The following CFAP20DC variants were observed in gnomAD, a reference collection of about 807,000 sequenced individuals.
The protein encoded by CFAP20DC is protein CFAP20DC.
In CFAP20DC, 84 loss-of-function variants were observed where a neutral mutation model predicts 101.7. The observed-to-expected ratio is 0.83, with a 90% CI of 0.69 to 0.99. The LOEUF is 0.99. Among genes scored for constraint, CFAP20DC ranks in the 50% least tolerant of loss-of-function variants. The pLI, the probability that CFAP20DC is intolerant of heterozygous loss-of-function variation, is 0.00. For missense variants in CFAP20DC, 1,007 were observed against 970.3 expected, an observed-to-expected ratio of 1.04 and a Z score of -0.50; for synonymous variants, 359 against 351.2, an observed-to-expected ratio of 1.02 and a Z score of -0.25.
intron 3 of CFAP20DC, among the ~76,000 whole-genome samples, chr3:58,720,181 G>A (rs2067451852): frequency 6.6e-6 from 1 of 152,242 alleles, no homozygotes; most frequent in South Asian, 2.1e-4. Context: ...CCACTAGAAT[G>A]TAAGTACTGT....
At chr3:58,720,662 T>C (rs1482324369) in intron 3 of CFAP20DC, among the ~76,000 whole-genome samples, 2 of 152,228 alleles carry the variant, frequency 1.3e-5, no homozygotes, top group Non-Finnish European at 2.9e-5. Context: ...TTCCCATGGC[T>C]AGGCATTACA....
Position 58,795,072 on chromosome 3 carries a change from TC to T in CFAP20DC, c.2237+11322del, listed in dbSNP as rs11346331. ...CTCCTAAACCTCAACTTGCATTCCCTCCCCACCTCCAGACAGAATGGAGGTG... is the reference window on the plus strand; with the variant it reads ...CTCCTAAACCTCAACTTGCATTCCCTCCCACCTCCAGACAGAATGGAGGTG... On this transcript the variant is annotated intron_variant, in intron 15 of 16. Coordinates refer to ENST00000482387, the MANE Select transcript of CFAP20DC (RefSeq NM_001394063.1). The surrounding 1 kb of genome is among the most constrained non-coding windows in gnomAD (Gnocchi z 4.2). Among the ~76,000 whole-genome samples, 1,508 of 152,236 alleles carry T rather than the reference TC, an allele frequency of 9.9e-3. 23 individuals are homozygous for T. The highest frequency in any genetic ancestry group is 0.035 in the African/African-American group (1,458 of 41,544).
intron 7 of CFAP20DC, among the ~76,000 whole-genome samples, chr3:58,883,506 T>C (rs1185459666): frequency 6.6e-6 from 1 of 152,204 alleles, no homozygotes; most frequent in Non-Finnish European, 1.5e-5. Context: ...CCCATTTTGC[T>C]GTCTCTTTGT....
At chr3:58,759,219 G>T (rs376187394) in intron 15 of CFAP20DC, among the ~76,000 whole-genome samples, 4,237 of 151,518 alleles carry the variant, frequency 0.028, 199 homozygotes, top group African/African-American at 0.095. Context: ...GACTTTTTAA[G>T]GATTGCCATT....
At chr3:58,782,476 A>G (rs2071922441) in intron 15 of CFAP20DC, among the ~76,000 whole-genome samples, 1 of 152,108 alleles carries the variant, frequency 6.6e-6, no homozygotes, top group Admixed American at 6.6e-5. Flanking sequence ...TAAATTGGAA[A>G]AGTATAAGTC....
chr3:58,737,391 G>C (rs1427371784), downstream of CFAP20DC, among the ~76,000 whole-genome samples: 2 of 151,942 alleles, frequency 1.3e-5, no homozygotes, highest in Non-Finnish European at 2.9e-5. This position sits in a 1 kb window ranked among gnomAD's most constrained non-coding sequence, Gnocchi z 4.1. Context: ...CTGAGGATGG[G>C]GGACACATTT....
intron 4 of CFAP20DC, among the ~76,000 whole-genome samples, chr3:58,983,745 C>T (rs1451264438): frequency 6.6e-6 from 1 of 152,024 alleles, no homozygotes; most frequent in Admixed American, 6.6e-5. Flanking sequence ...ATTCAAAATG[C>T]TTTATGGATG....
At chr3:58,822,575 C>G (rs1375715497) in intron 14 of CFAP20DC, among the ~76,000 whole-genome samples, 2 of 150,980 alleles carry the variant, frequency 1.3e-5, no homozygotes, top group Non-Finnish European at 2.9e-5. Context: ...TACCCTAAAA[C>G]TTAAAGTATA....
chr3:58,808,970 G>C (rs2074364729), intron 14 of CFAP20DC, among the ~76,000 whole-genome samples: 1 of 151,944 alleles, frequency 6.6e-6, no homozygotes, highest in Non-Finnish European at 1.5e-5. Flanking sequence ...GACAAAGAAG[G>C]CCATTACATA....
chr3:58,842,865 G>A (rs868096951), intron 13 of CFAP20DC, among the ~76,000 whole-genome samples: 2 of 152,206 alleles, frequency 1.3e-5, no homozygotes, highest in Non-Finnish European at 2.9e-5. Context: ...CCTGACCCCC[G>A]AGCAGCCTAA....
chr3:58,940,744 C>G (rs1415130082), intron 4 of CFAP20DC, among the ~76,000 whole-genome samples: 1 of 152,164 alleles, frequency 6.6e-6, no homozygotes, highest in South Asian at 2.1e-4. Context: ...TAGTTTTGTT[C>G]AAGATTTGTT....
At chr3:58,854,584 T>C (rs966592104) in intron 12 of CFAP20DC, among the ~76,000 whole-genome samples, 10 of 152,162 alleles carry the variant, frequency 6.6e-5, no homozygotes, top group African/African-American at 2.4e-4. Flanking sequence ...GAGTTCAAAC[T>C]ATACTACAAG....
intron 12 of CFAP20DC, among the ~76,000 whole-genome samples, chr3:58,851,191 A>G (rs2078196367): frequency 6.6e-6 from 1 of 152,166 alleles, no homozygotes; most frequent in African/African-American, 2.4e-5. Context: ...CATTGTGTGA[A>G]GTAGGGGAAT....
intron 15 of CFAP20DC, among the ~76,000 whole-genome samples, chr3:58,785,157 T>C (rs530024558): frequency 6.6e-6 from 1 of 152,276 alleles, no homozygotes; most frequent in Admixed American, 6.6e-5. Context: ...GAGGTCGTTA[T>C]GTTAAGTGAA....
intron 4 of CFAP20DC, among the ~76,000 whole-genome samples, chr3:58,960,183 GT>G (rs1179972865): frequency 6.6e-6 from 1 of 152,098 alleles, no homozygotes; most frequent in Non-Finnish European, 1.5e-5. Context: ...TTAACAAAAG[GT>G]TTGTAAATTT....
chr3:58,736,047 T>C (rs976143893), intron 3 of CFAP20DC, among the ~76,000 whole-genome samples: 1 of 152,118 alleles, frequency 6.6e-6, no homozygotes, highest in African/African-American at 2.4e-5. Context: ...AAGATTAAAA[T>C]CTCTTGAAAC....
chr3:58,939,251 A>C lies in CFAP20DC; in HGVS notation c.279-1489T>G, dbSNP rs560883320. Reference sequence around the variant, plus strand: ...ATTTTACTAATGGGGTACAGGATCAAATATGTTTGGAAAATCATGTCATCA... The same window carrying C: ...ATTTTACTAATGGGGTACAGGATCACATATGTTTGGAAAATCATGTCATCA... On this transcript the variant is annotated intron_variant, in intron 4 of 16. Coordinates refer to ENST00000482387, the MANE Select transcript of CFAP20DC (RefSeq NM_001394063.1). 2.3e-4 allele frequency among the ~76,000 whole-genome samples: 35 copies of C among 152,228 alleles called. No homozygotes were observed. The East Asian group carries it at 6.6e-3, about 29-fold the overall frequency.
chr3:58,730,844 C>T (rs1323052170), intron 3 of CFAP20DC, among the ~76,000 whole-genome samples: 1 of 151,804 alleles, frequency 6.6e-6, no homozygotes, highest in Non-Finnish European at 1.5e-5. Flanking sequence ...TCAGTGATAA[C>T]ACAAATTGAA....
In CFAP20DC at chr3:58,729,975, G is replaced by A. The variant is rs544235227; in HGVS notation, c.198-12347C>T. Among the ~76,000 whole-genome samples the A allele has an allele frequency of 2.1e-5, 3 of 143,168 alleles. No homozygotes were observed. Among genetic ancestry groups the A allele is most frequent in the East Asian group, 2.0e-4 (1 of 4,928 alleles). 93.9% of individuals were successfully genotyped at this position (143,168 alleles called of 152,430 possible). A position where few individuals can be genotyped will look rare whatever the true frequency, so the allele number is the denominator to read the frequency against. On this transcript the variant is annotated intron_variant, in intron 3 of 3. Transcript: ENST00000486145. The surrounding 1 kb of genome is among the most constrained non-coding windows in gnomAD (Gnocchi z 4.4). ...AGAGGTTGTGGTGAACTGAGATCAC[G>A]CCATTGCATTCCAGCCTGGGCAATG...
Sources: allele counts gnomAD v4.1 joint callset (sites outside exome capture counted in the v4.1 genomes callset), GRCh38; gene constraint gnomAD v4.1.1; non-coding constraint Gnocchi (gnomAD v3.1); transcripts MANE v1.5; gene names NCBI Gene and HGNC (gene_info 2026-07-23, HGNC 2026-07-21).